HUNK: variants seen among roughly 807,000 people sequenced by gnomAD.
HUNK encodes hormonally up-regulated neu tumor-associated kinase.
Under a neutral mutation model 61.0 loss-of-function variants are expected in HUNK, and 21 were observed. That is an observed-to-expected ratio of 0.34 (90% CI 0.24 to 0.50). The LOEUF (loss-of-function observed/expected upper bound fraction) is 0.50, where lower values mean the gene tolerates loss of function less well. Among genes scored for constraint, HUNK ranks in the 20% least tolerant of loss-of-function variants. The pLI, the probability that HUNK is intolerant of heterozygous loss-of-function variation, is 0.98. For synonymous variants in HUNK, 371 were observed against 386.1 expected (o/e 0.96, Z 0.46); for missense variants, 772 against 945.7 (o/e 0.82, Z 2.41).
chr21:31,978,803 T>C (rs2053069905), intron 7 of HUNK, among the ~76,000 whole-genome samples: 1 of 152,164 alleles, frequency 6.6e-6, no homozygotes, highest in African/African-American at 2.4e-5. Flanking sequence ...GGGGTGCATA[T>C]GTGTCTTCAA....
intron 9 of HUNK, 24 bp from the exon 10 acceptor site, chr21:31,995,744 C>T (rs1568944506): frequency 6.3e-7 from 1 of 1,597,250 alleles, no homozygotes; most frequent in African/African-American, 1.3e-5. Flanking sequence ...TGTCTAAGTG[C>T]ATATGTTTGC....
At chr21:31,974,929 G>A (rs1169661290) in intron 7 of HUNK, among the ~76,000 whole-genome samples, 1 of 151,870 alleles carries the variant, frequency 6.6e-6, no homozygotes, top group African/African-American at 2.4e-5. Flanking sequence ...CTCTCCCACC[G>A]AGTTAAGCCC....
chr21:31,917,756 A>ACACC (rs758905742), intron 1 of HUNK, among the ~76,000 whole-genome samples: 34 of 122,490 alleles, frequency 2.8e-4, no homozygotes, highest in Non-Finnish European at 3.9e-4. Context: ...ACACACACAC[A>ACACC]CCCCTGGACT....
intron 1 of HUNK, among the ~76,000 whole-genome samples, chr21:31,913,624 G>A (rs1257162088): frequency 6.6e-6 from 1 of 151,934 alleles, no homozygotes; most frequent in Admixed American, 6.6e-5. Flanking sequence ...TATCCAGGTG[G>A]AGATGGCCAG....
Position 31,874,058 on chromosome 21 carries a change from G to A in HUNK, c.261+123G>A, listed in dbSNP as rs1433608359. 1.4e-5 allele frequency: 10 copies of A among 713,688 alleles called. No homozygotes were observed. The East Asian group carries it at 3.1e-4, about 22-fold the overall frequency. The allele number at this position is 713,688 out of a possible 1,614,324, so 44.2% of individuals were successfully genotyped here. A position where few individuals can be genotyped will look rare whatever the true frequency, so the allele number is the denominator to read the frequency against. On this transcript the variant is annotated intron_variant, in intron 1 of 10. Coordinates refer to ENST00000270112, the MANE Select transcript of HUNK (RefSeq NM_014586.2). ...CCCGGGCCAAGCGCCTTCCCCCTCC[G>A]CCCGGCTTTCCTGTTGGGTTAAAAC...
intron 5 of HUNK, among the ~76,000 whole-genome samples, chr21:31,965,872 G>A (rs527632407): frequency 5.9e-5 from 9 of 152,088 alleles, no homozygotes; most frequent in Non-Finnish European, 1.0e-4. Context: ...AAAGTGCTGG[G>A]ATTACAGTTG....
intron 1 of HUNK, among the ~76,000 whole-genome samples, chr21:31,916,817 C>T (rs1213059816): frequency 6.6e-6 from 1 of 152,094 alleles, no homozygotes; most frequent in Non-Finnish European, 1.5e-5. Flanking sequence ...GCTGGGACTA[C>T]AGGCATGCAC....
intron 2 of HUNK, among the ~76,000 whole-genome samples, chr21:31,939,462 GC>G (rs2052754740): frequency 7.7e-6 from 1 of 129,402 alleles, no homozygotes. Flanking sequence ...AGGCTGGAGT[GC>G]AATGGTGCAA....
chr21:31,877,365 C>T (rs905614093), intron 1 of HUNK, among the ~76,000 whole-genome samples: 2 of 152,156 alleles, frequency 1.3e-5, no homozygotes, highest in African/African-American at 4.8e-5. Context: ...TCCCAACTTT[C>T]CTTTTAGGTT....
In HUNK at chr21:31,916,672, T is replaced by C. The variant is rs538119084; in HGVS notation, c.262-7796T>C. 1.1e-4 allele frequency among the ~76,000 whole-genome samples: 16 copies of C among 150,110 alleles called. 1 individual carries two copies. In the South Asian group the frequency reaches 2.7e-3, roughly 26 times the overall value. On this transcript the variant is annotated intron_variant, in intron 1 of 10. Transcript: ENST00000270112. The stretch of plus-strand genomic sequence containing the variant: ...TCCTCTCCTTCCTTAAGGTTTCCTC[T>C]CTCTTTCTTTTTTTTTTTTTCTGAG...
intron 1 of HUNK, among the ~76,000 whole-genome samples, chr21:31,898,208 C>CAA (rs2052439003): frequency 6.7e-6 from 1 of 149,366 alleles, no homozygotes; most frequent in Admixed American, 6.7e-5. Flanking sequence ...CCCACCTGGG[C>CAA]AAAACCATTT....
intron 1 of HUNK, among the ~76,000 whole-genome samples, chr21:31,883,842 G>C (rs552014685): frequency 6.6e-6 from 1 of 152,308 alleles, no homozygotes; most frequent in Admixed American, 6.5e-5. Context: ...AGATTACTGG[G>C]CTGAGGGTTT....
At chr21:31,969,707 C>T (rs1258939802) in intron 6 of HUNK, among the ~76,000 whole-genome samples, 1 of 152,006 alleles carries the variant, frequency 6.6e-6, no homozygotes, top group Admixed American at 6.6e-5. Flanking sequence ...GCTGTGACCA[C>T]AGGCATGAGC....
chr21:31,930,258 C>G (rs914312146), intron 2 of HUNK, among the ~76,000 whole-genome samples: 1 of 152,220 alleles, frequency 6.6e-6, no homozygotes, highest in Admixed American at 6.5e-5. Flanking sequence ...GGATTATCCA[C>G]TTCACATGGC....
chr21:31,999,692 G>A lies in HUNK; in HGVS notation c.*508G>A, dbSNP rs115173539. 167 of 160,062 alleles carry A rather than the reference G, an allele frequency of 1.0e-3. 2 individuals are homozygous for A. Among genetic ancestry groups the A allele is most frequent in the African/African-American group, 3.9e-3 (163 of 41,868 alleles). The allele number at this position is 160,062 out of a possible 1,614,324, so 9.9% of individuals were successfully genotyped here. On this transcript the variant is annotated 3_prime_UTR_variant, in exon 11 of 11. Transcript: ENST00000270112. Reference sequence around the variant, plus strand: ...TTACCTGAAGGCCAGCAGGAGCCGGGGGCAGGCCCAGGATCCTCAGAGGAA... The same window carrying A: ...TTACCTGAAGGCCAGCAGGAGCCGGAGGCAGGCCCAGGATCCTCAGAGGAA...
intron 7 of HUNK, among the ~76,000 whole-genome samples, chr21:31,977,366 T>C (rs2053057502): frequency 6.6e-6 from 1 of 152,216 alleles, no homozygotes; most frequent in South Asian, 2.1e-4. Flanking sequence ...TTTCAGGTGA[T>C]GAATACTGTT....
chr21:31,973,834 G>GGGTGA (rs1233436821), intron 6 of HUNK, among the ~76,000 whole-genome samples: 1 of 152,132 alleles, frequency 6.6e-6, no homozygotes, highest in East Asian at 1.9e-4. Context: ...CCCACTGGGA[G>GGGTGA]GGTGAACAAA....
chr21:31,880,465 G>A (rs766534554), intron 1 of HUNK, among the ~76,000 whole-genome samples: 3 of 152,154 alleles, frequency 2.0e-5, no homozygotes, highest in East Asian at 1.9e-4. Flanking sequence ...ACTAGCTTCC[G>A]GTGGTGGCCA....
At chr21:31,899,527 AT>A (rs1441258395) in intron 1 of HUNK, among the ~76,000 whole-genome samples, 1 of 152,152 alleles carries the variant, frequency 6.6e-6, no homozygotes, top group Non-Finnish European at 1.5e-5. Context: ...ATCTTGACTA[AT>A]TACATCTGCA....
Sources: allele counts gnomAD v4.1 joint callset (sites outside exome capture counted in the v4.1 genomes callset), GRCh38; gene constraint gnomAD v4.1.1; transcripts MANE v1.5; gene names NCBI Gene and HGNC (gene_info 2026-07-23, HGNC 2026-07-21).